CHCHD3: variants seen among roughly 807,000 people sequenced by gnomAD.
CHCHD3 encodes the protein MICOS complex subunit MIC19.
In CHCHD3, 20 loss-of-function variants were observed where a neutral mutation model predicts 38.2. The observed-to-expected ratio is 0.52, with a 90% confidence interval of 0.37 to 0.76. The LOEUF is 0.76. CHCHD3 is among the 30% of genes least tolerant of loss of function. The pLI is 0.00. For synonymous variants in CHCHD3, 82 were observed against 100.0 expected, an observed-to-expected ratio of 0.82 and a Z score of 1.07; for missense variants, 245 against 279.2, an observed-to-expected ratio of 0.88 and a Z score of 0.87.
chr7:133,029,853 C>T (rs146434868), intron 2 of CHCHD3, among the ~76,000 whole-genome samples: 2 of 151,988 alleles, frequency 1.3e-5, no homozygotes, highest in East Asian at 1.9e-4. Flanking sequence ...GAGAGAAAAA[C>T]GTGGGAAGAG....
intron 6 of CHCHD3, among the ~76,000 whole-genome samples, chr7:132,825,832 G>A (rs1168755843): frequency 6.6e-6 from 1 of 152,112 alleles, no homozygotes; most frequent in Non-Finnish European, 1.5e-5. Flanking sequence ...ACAAAACATG[G>A]TAACAGATCA....
chr7:132,997,562 C>T (rs1048892214), intron 3 of CHCHD3, among the ~76,000 whole-genome samples: 3 of 143,304 alleles, frequency 2.1e-5, no homozygotes, highest in Non-Finnish European at 4.5e-5. Flanking sequence ...CTTTTCTTTT[C>T]TTTTTAAGAA....
intron 7 of CHCHD3, among the ~76,000 whole-genome samples, chr7:132,786,840 A>T (rs1373400391): frequency 2.0e-5 from 3 of 152,384 alleles, no homozygotes; most frequent in Non-Finnish European, 4.4e-5. Context: ...TATTGTGTAA[A>T]CAGCATAACA....
At chr7:132,993,879 A>C (rs761832185) in intron 3 of CHCHD3, among the ~76,000 whole-genome samples, 3 of 152,248 alleles carry the variant, frequency 2.0e-5, no homozygotes, top group Non-Finnish European at 4.4e-5. Context: ...TCTGAGAAAC[A>C]GCAACTAGTG....
intron 1 of CHCHD3, among the ~76,000 whole-genome samples, chr7:133,076,839 T>TA: frequency 6.6e-6 from 1 of 152,284 alleles, no homozygotes; most frequent in South Asian, 2.1e-4. Flanking sequence ...ATGAGACAAA[T>TA]AAATCAGCCT....
At chr7:133,022,352 G>A (rs1485333324) in intron 3 of CHCHD3, 2 of 456,212 alleles carry the variant, frequency 4.4e-6, no homozygotes, top group Non-Finnish European at 8.8e-6. Flanking sequence ...AAGGCAAGAG[G>A]AGCTATTTTC....
At chr7:132,794,878 G>A (rs1806564369) in intron 7 of CHCHD3, among the ~76,000 whole-genome samples, 1 of 152,194 alleles carries the variant, frequency 6.6e-6, no homozygotes, top group South Asian at 2.1e-4. Flanking sequence ...TCACAGAGCT[G>A]GTAAAAGGAC....
chr7:132,848,497 G>A (rs949255890), intron 5 of CHCHD3, among the ~76,000 whole-genome samples: 3 of 152,146 alleles, frequency 2.0e-5, no homozygotes, highest in Non-Finnish European at 4.4e-5. Flanking sequence ...TGTTCAGAAG[G>A]AGTTCATGAC....
intron 2 of CHCHD3, among the ~76,000 whole-genome samples, chr7:133,024,945 A>C (rs772894997): frequency 6.6e-6 from 1 of 152,192 alleles, no homozygotes; most frequent in Non-Finnish European, 1.5e-5. Flanking sequence ...CCTAACATTA[A>C]AGTCTGACAA....
intron 6 of CHCHD3, among the ~76,000 whole-genome samples, chr7:132,812,760 A>G (rs1018063852): frequency 1.3e-5 from 2 of 152,156 alleles, no homozygotes; most frequent in African/African-American, 4.8e-5. Flanking sequence ...CTTGGGATAC[A>G]TCCAAAATAG....
At chr7:133,066,781 G>A (rs1203655663) in intron 2 of CHCHD3, among the ~76,000 whole-genome samples, 2 of 152,100 alleles carry the variant, frequency 1.3e-5, no homozygotes, top group Non-Finnish European at 2.9e-5. Flanking sequence ...AACAACCCAA[G>A]AGAGAAAACA....
chr7:132,928,396 T>C (rs1325153660), intron 4 of CHCHD3, among the ~76,000 whole-genome samples: 3 of 152,114 alleles, frequency 2.0e-5, no homozygotes, highest in Admixed American at 2.0e-4. Context: ...CTTAGCCTCC[T>C]ACTCTAAAGA....
intron 4 of CHCHD3, among the ~76,000 whole-genome samples, chr7:132,917,892 C>T (rs987303829): frequency 2.0e-5 from 3 of 147,488 alleles, no homozygotes; most frequent in Admixed American, 6.8e-5. Flanking sequence ...TCCTATTACT[C>T]ATCTTTTGAG....
chr7:132,889,158 A>C (rs1809299676), intron 4 of CHCHD3, among the ~76,000 whole-genome samples: 1 of 152,156 alleles, frequency 6.6e-6, no homozygotes, highest in East Asian at 1.9e-4. Flanking sequence ...CAATTCAAAA[A>C]ATTTAACAAC....
chr7:132,820,911 C>G (rs1189212733), intron 6 of CHCHD3, among the ~76,000 whole-genome samples: 1 of 152,150 alleles, frequency 6.6e-6, no homozygotes, highest in Non-Finnish European at 1.5e-5. Flanking sequence ...CATGAACTAA[C>G]AATGGCTGCA....
At chr7:132,922,365 C>T (rs188392141) in intron 4 of CHCHD3, among the ~76,000 whole-genome samples, 4 of 152,156 alleles carry the variant, frequency 2.6e-5, no homozygotes, top group Admixed American at 2.6e-4. Context: ...CACCACTAAT[C>T]CCTGTGCTCA....
chr7:132,936,721 T>G (rs1413761457), intron 4 of CHCHD3, among the ~76,000 whole-genome samples: 1 of 152,200 alleles, frequency 6.6e-6, no homozygotes, highest in Non-Finnish European at 1.5e-5. Context: ...AAAAAGGATG[T>G]GGATAATTAC....
At chr7:133,026,621 C>T (rs1394613892) in intron 2 of CHCHD3, among the ~76,000 whole-genome samples, 6 of 152,176 alleles carry the variant, frequency 3.9e-5, no homozygotes, top group Non-Finnish European at 8.8e-5. Flanking sequence ...CTAAACACAA[C>T]CTAAGTGCCT....
At chr7:132,990,190 A>G (rs1349189117) in intron 3 of CHCHD3, among the ~76,000 whole-genome samples, 2 of 152,078 alleles carry the variant, frequency 1.3e-5, no homozygotes, top group Non-Finnish European at 2.9e-5. Context: ...TAAATAAATA[A>G]ATAACCTGTT....
Sources: gnomAD v4.1 joint callset for allele counts (sites outside exome capture counted in the v4.1 genomes callset) on GRCh38, gnomAD v4.1.1 for gene constraint, MANE v1.5 for transcripts, NCBI Gene and HGNC (gene_info 2026-07-23, HGNC 2026-07-21) for gene names.